TMEM181: variants seen among roughly 807,000 people sequenced by gnomAD.
TMEM181 encodes transmembrane protein 181.
Under a neutral mutation model 71.9 loss-of-function variants are expected in TMEM181, and 39 were observed. The ratio of observed to expected loss-of-function variants is 0.54; its 90% CI spans 0.42 to 0.71. The LOEUF (loss-of-function observed/expected upper bound fraction) is 0.71. Ranked by LOEUF, TMEM181 falls within the 30% of genes least tolerant of loss-of-function variation. TMEM181 has a pLI of 0.00. For synonymous variants in TMEM181, 245 were observed against 228.8 expected (o/e 1.07, Z -0.64); for missense variants, 595 against 583.0 (o/e 1.02, Z -0.21).
chr6:158,598,110 G>A (rs1784480703), intron 6 of TMEM181, among the ~76,000 whole-genome samples: 2 of 152,188 alleles, frequency 1.3e-5, no homozygotes, highest in Non-Finnish European at 2.9e-5. Flanking sequence ...TTTTTAAAAA[G>A]TTGGTTTCAT....
At chr6:158,570,720 G>C (rs554375385) in intron 1 of TMEM181, among the ~76,000 whole-genome samples, 43 of 137,484 alleles carry the variant, frequency 3.1e-4, no homozygotes, top group African/African-American at 1.1e-3. Context: ...CCTCAGGGGG[G>C]CACTTCACAT....
chr6:158,592,541 C>T (rs927282822), intron 6 of TMEM181, among the ~76,000 whole-genome samples: 2 of 151,846 alleles, frequency 1.3e-5, no homozygotes, highest in African/African-American at 2.4e-5. Context: ...GGCGCGATCA[C>T]GGCTTACTGT....
At chr6:158,589,608 G>T (rs766627628) in intron 5 of TMEM181, 64 bp from the exon 6 acceptor site, 1 of 1,246,006 alleles carries the variant, frequency 8.0e-7, no homozygotes, top group Non-Finnish European at 1.2e-6. Context: ...GTTACTTCAT[G>T]GGTTATTTGG....
chr6:158,553,867 A>G (rs183936743), intron 1 of TMEM181, among the ~76,000 whole-genome samples: 305 of 152,296 alleles, frequency 2.0e-3, no homozygotes, highest in African/African-American at 7.1e-3. Context: ...AACGTCCAAC[A>G]GGTCCTCAAA....
rs1583046856 is a variant in TMEM181, at chr6:158,620,358, G to A, written c.897-3192G>A. The stretch of plus-strand genomic sequence containing the variant: ...CCACTGGTCCTCTGAGGACTGGGAC[G>A]GCAGACCGAACTTTCTCAGGTACCA... On this transcript the variant is annotated intron_variant, in intron 10 of 16. Transcript: ENST00000684151. This position sits in a 1 kb window ranked among gnomAD's most constrained non-coding sequence, Gnocchi z 4.5. 6.6e-6 allele frequency among the ~76,000 whole-genome samples: 1 copy of A among 152,132 alleles called. No individual in the cohort carries two copies. The highest frequency in any genetic ancestry group is 2.4e-5 in the African/African-American group (1 of 41,424).
At chr6:158,565,893 G>T (rs569397107) in intron 1 of TMEM181, among the ~76,000 whole-genome samples, 1 of 152,218 alleles carries the variant, frequency 6.6e-6, no homozygotes, top group Non-Finnish European at 1.5e-5. Flanking sequence ...CGCAGGATGG[G>T]CAGTGCCCCA....
At chr6:158,599,735 C>T (rs576589441) in intron 6 of TMEM181, among the ~76,000 whole-genome samples, 25 of 152,212 alleles carry the variant, frequency 1.6e-4, no homozygotes, top group Non-Finnish European at 3.2e-4. Flanking sequence ...TCCAGCGCGC[C>T]TGGAGGCCGC....
chr6:158,551,177 G>A (rs978139591), intron 1 of TMEM181, among the ~76,000 whole-genome samples: 8 of 151,994 alleles, frequency 5.3e-5, no homozygotes, highest in Non-Finnish European at 7.4e-5. Flanking sequence ...GGCCAGAAGG[G>A]TCTCAATCTC....
chr6:158,598,411 C>T lies in TMEM181; in HGVS notation c.493-6856C>T, dbSNP rs142504220. Among the ~76,000 whole-genome samples, 327 of 152,282 alleles carry T rather than the reference C, an allele frequency of 2.1e-3. 2 individuals are homozygous for T. Among genetic ancestry groups the T allele is most frequent in the Non-Finnish European group, 3.4e-3 (231 of 68,022 alleles). On this transcript the variant is annotated intron_variant, in intron 6 of 16. Transcript: ENST00000684151. Reference sequence around the variant, plus strand: ...GGAGTGAGATGAAAACAGCAACTCACGTCTCAAGTCCTTCAGGCTCCTACC... The same window carrying T: ...GGAGTGAGATGAAAACAGCAACTCATGTCTCAAGTCCTTCAGGCTCCTACC...
At chr6:158,536,887 G>A (rs895940928) in intron 1 of TMEM181, 13 of 1,330,912 alleles carry the variant, frequency 9.8e-6, no homozygotes, top group Non-Finnish European at 1.3e-5. Flanking sequence ...GCGGGCAGCG[G>A]CGGGGCGGCC....
chr6:158,574,687 A>G (rs745851912), intron 2 of TMEM181, among the ~76,000 whole-genome samples: 3 of 152,222 alleles, frequency 2.0e-5, no homozygotes, highest in Non-Finnish European at 2.9e-5. Context: ...ACAGTACTCT[A>G]TTAGTCAGAG....
chr6:158,626,783 CCTCA>C (rs970001572), intron 13 of TMEM181: 4 of 456,588 alleles, frequency 8.8e-6, no homozygotes, highest in Non-Finnish European at 1.8e-5. Context: ...CTCACTCACA[CCTCA>C]CTCATGCCTT....
chr6:158,538,218 A>C (rs1254718103), intron 1 of TMEM181, among the ~76,000 whole-genome samples: 3 of 147,736 alleles, frequency 2.0e-5, no homozygotes, highest in Non-Finnish European at 4.4e-5. Context: ...GCAGTGGTGC[A>C]ATCTTGGCTC....
intron 1 of TMEM181, among the ~76,000 whole-genome samples, chr6:158,567,946 G>A (rs1337148644): frequency 6.6e-6 from 1 of 152,164 alleles, no homozygotes; most frequent in Non-Finnish European, 1.5e-5. Flanking sequence ...GGAGTTGGCT[G>A]CGGGGCACTG....
At chr6:158,554,926 G>C (rs552612392) in intron 1 of TMEM181, among the ~76,000 whole-genome samples, 1 of 152,182 alleles carries the variant, frequency 6.6e-6, no homozygotes, top group Admixed American at 6.5e-5. Flanking sequence ...GATGGTGGGC[G>C]AAGATTTTGG....
intron 1 of TMEM181, among the ~76,000 whole-genome samples, chr6:158,555,006 T>C (rs1037004520): frequency 6.6e-6 from 1 of 152,238 alleles, no homozygotes; most frequent in African/African-American, 2.4e-5. Flanking sequence ...TTAAATGAGT[T>C]TAGGGTTACA....
At chr6:158,601,913 C>T (rs1430690555) in intron 6 of TMEM181, among the ~76,000 whole-genome samples, 5 of 152,204 alleles carry the variant, frequency 3.3e-5, no homozygotes, top group Non-Finnish European at 7.3e-5. Flanking sequence ...ACCTGAATCA[C>T]TGTGATCTCC....
chr6:158,582,708 G>A (rs1034919586), intron 3 of TMEM181, among the ~76,000 whole-genome samples: 1 of 151,810 alleles, frequency 6.6e-6, no homozygotes, highest in Non-Finnish European at 1.5e-5. Context: ...CTCCAAAGAC[G>A]ATGCATTCAG....
chr6:158,593,751 C>G (rs571532314), intron 6 of TMEM181, among the ~76,000 whole-genome samples: 284 of 152,254 alleles, frequency 1.9e-3, no homozygotes, highest in Non-Finnish European at 3.3e-3. Context: ...CACATTATTA[C>G]TATTTTTTAG....
Sources: gnomAD v4.1 joint callset for allele counts (sites outside exome capture counted in the v4.1 genomes callset) on GRCh38, gnomAD v4.1.1 for gene constraint, Gnocchi (gnomAD v3.1) non-coding constraint, MANE v1.5 for transcripts, NCBI Gene and HGNC (gene_info 2026-07-23, HGNC 2026-07-21) for gene names.